Variants in CCNY observed in about 807,000 individuals in gnomAD.
CCNY encodes cyclin Y, also known as cyclin-Y.
In CCNY, 19 loss-of-function variants were observed where a neutral mutation model predicts 42.8. The ratio of observed to expected loss-of-function variants is 0.44; its 90% confidence interval spans 0.31 to 0.65. CCNY has a LOEUF of 0.65. Ranked by LOEUF, CCNY falls within the 30% of genes least tolerant of loss-of-function variation. The pLI is 0.07. For synonymous variants in CCNY, 165 were observed against 162.7 expected (o/e 1.01, Z -0.11); for missense variants, 370 against 437.3 (o/e 0.85, Z 1.37).
chr10:35,331,761 CATATAA>C (rs1433493608), upstream of CCNY, among the ~76,000 whole-genome samples: 16 of 152,278 alleles, frequency 1.1e-4, no homozygotes, highest in South Asian at 3.1e-3. Context: ...TTTCTAATTT[CATATAA>C]ATATATTTCT....
intron 3 of CCNY, among the ~76,000 whole-genome samples, chr10:35,330,167 C>T (rs1651913063): frequency 6.6e-6 from 1 of 152,196 alleles, no homozygotes; most frequent in East Asian, 1.9e-4. Context: ...CTCCCAATGC[C>T]AGTCACCTTG....
chr10:35,471,679 A>C (rs147765985), intron 1 of CCNY, among the ~76,000 whole-genome samples: 7 of 152,344 alleles, frequency 4.6e-5, no homozygotes, highest in African/African-American at 1.4e-4. Flanking sequence ...CCGAACACTC[A>C]GTTGTCACCT....
intron 2 of CCNY, among the ~76,000 whole-genome samples, chr10:35,492,224 C>A (rs546860971): frequency 6.6e-6 from 1 of 152,362 alleles, no homozygotes; most frequent in East Asian, 1.9e-4. Context: ...AGCACACACA[C>A]AGAGCCCTTT....
intron 1 of CCNY, among the ~76,000 whole-genome samples, chr10:35,423,030 G>C (rs1838191344): frequency 6.6e-6 from 1 of 152,170 alleles, no homozygotes; most frequent in Non-Finnish European, 1.5e-5. Context: ...CTTGATTTGT[G>C]AATCTATTTC....
At chr10:35,565,288 A>G (rs1841546722) in intron 8 of CCNY, among the ~76,000 whole-genome samples, 1 of 152,114 alleles carries the variant, frequency 6.6e-6, no homozygotes, top group South Asian at 2.1e-4. Context: ...GGCCCGGGGC[A>G]AGAGCCTCAG....
chr10:35,272,332 G>T (rs1835180442), intron 3 of CCNY, among the ~76,000 whole-genome samples: 2 of 151,574 alleles, frequency 1.3e-5, no homozygotes, highest in African/African-American at 4.9e-5. Flanking sequence ...ACATGTGCAG[G>T]TTTGTTACAT....
chr10:35,505,783 G>A (rs1242711601), intron 3 of CCNY, among the ~76,000 whole-genome samples: 1 of 152,192 alleles, frequency 6.6e-6, no homozygotes, highest in Admixed American at 6.5e-5. Flanking sequence ...ACTGATGAAA[G>A]TCTTTCTGGT....
At chr10:35,364,624 A>G (rs2135162495) in intron 1 of CCNY, among the ~76,000 whole-genome samples, 1 of 152,354 alleles carries the variant, frequency 6.6e-6, no homozygotes, top group Non-Finnish European at 1.5e-5. Context: ...TGTGAAAGTC[A>G]GCTTCAATAG....
chr10:35,432,758 G>A (rs1018539052), intron 1 of CCNY, among the ~76,000 whole-genome samples: 7 of 152,146 alleles, frequency 4.6e-5, no homozygotes, highest in Non-Finnish European at 7.4e-5. Flanking sequence ...AAATTAAAAT[G>A]TTTTCTGAAA....
chr10:35,498,018 G>A (rs1013916452), intron 2 of CCNY, among the ~76,000 whole-genome samples: 2 of 152,156 alleles, frequency 1.3e-5, no homozygotes, highest in Non-Finnish European at 2.9e-5. Flanking sequence ...ACTCATGACT[G>A]TAACTTATTA....
intron 4 of CCNY, among the ~76,000 whole-genome samples, chr10:35,517,776 C>T (rs138837507): frequency 1.3e-5 from 2 of 152,342 alleles, no homozygotes; most frequent in East Asian, 1.9e-4. Context: ...ACACTGGCAG[C>T]ACTCACAGAG....
intron 1 of CCNY, among the ~76,000 whole-genome samples, chr10:35,419,885 A>C (rs1838121211): frequency 6.6e-6 from 1 of 151,852 alleles, no homozygotes; most frequent in African/African-American, 2.4e-5. Context: ...ATTTCTAGGC[A>C]AACTTTATAA....
Position 35,568,706 on chromosome 10 carries a change from G to A in CCNY, c.910-348G>A, listed in dbSNP as rs151297913. Among the ~76,000 whole-genome samples the A allele has an allele frequency of 2.1e-3, 324 of 152,336 alleles. 2 individuals are homozygous for A. Among genetic ancestry groups the A allele is most frequent in the African/African-American group, 7.3e-3 (304 of 41,574 alleles). ...TGCTGTTCTTGCCCCGCTTGCAGGT[G>A]AGGACGCCAAGGATTCAAAACAGCA... On this transcript the variant is annotated intron_variant, in intron 9 of 9. Transcript: ENST00000374704.
At chr10:35,310,367 C>T (rs1477747983) in intron 3 of CCNY, among the ~76,000 whole-genome samples, 1 of 152,142 alleles carries the variant, frequency 6.6e-6, no homozygotes, top group African/African-American at 2.4e-5. Context: ...GTGAATTGTG[C>T]TCCAATAAAC....
At chr10:35,448,809 T>G (rs1397422186) in intron 1 of CCNY, among the ~76,000 whole-genome samples, 1 of 151,972 alleles carries the variant, frequency 6.6e-6, no homozygotes, top group East Asian at 1.9e-4. Context: ...GGGGCCAATG[T>G]GGAGTTTGAG....
At chr10:35,503,102 C>A (rs565677622) in intron 3 of CCNY, among the ~76,000 whole-genome samples, 24 of 152,256 alleles carry the variant, frequency 1.6e-4, no homozygotes, top group Non-Finnish European at 3.2e-4. Flanking sequence ...ACCCCCCCAA[C>A]AGGCACACAC....
chr10:35,297,795 A>T (rs746048106), intron 3 of CCNY, among the ~76,000 whole-genome samples: 3 of 152,244 alleles, frequency 2.0e-5, no homozygotes, highest in Non-Finnish European at 4.4e-5. Flanking sequence ...GAGGTGAAAG[A>T]TCTCTACAAG....
At chr10:35,518,364 C>T (rs1344782425) in intron 4 of CCNY, among the ~76,000 whole-genome samples, 1 of 152,254 alleles carries the variant, frequency 6.6e-6, no homozygotes, top group African/African-American at 2.4e-5. Context: ...TTGATTGAAT[C>T]TGGCTGAGGC....
chr10:35,422,842 A>T (rs1323079748), intron 1 of CCNY, among the ~76,000 whole-genome samples: 2 of 152,228 alleles, frequency 1.3e-5, no homozygotes, highest in Non-Finnish European at 2.9e-5. Context: ...TTGCTAAAAA[A>T]CATGGACTCA....
Sources: allele counts gnomAD v4.1 joint callset (sites outside exome capture counted in the v4.1 genomes callset), GRCh38; gene constraint gnomAD v4.1.1; transcripts MANE v1.5; gene names NCBI Gene and HGNC (gene_info 2026-07-23, HGNC 2026-07-21).